ZYG11B: variants seen among roughly 807,000 people sequenced by gnomAD.
ZYG11B encodes the protein protein zyg-11 homolog B.
A neutral mutation model predicts 82.4 loss-of-function variants in ZYG11B; 36 were observed. That is an observed-to-expected ratio of 0.44 (90% CI 0.33 to 0.58). ZYG11B has a LOEUF of 0.58. ZYG11B is among the 20% of genes least tolerant of loss of function. ZYG11B has a pLI of 0.02. For missense variants in ZYG11B, 552 were observed against 895.6 expected, an observed-to-expected ratio of 0.62 and a Z score of 4.90; for synonymous variants, 303 against 312.8, an observed-to-expected ratio of 0.97 and a Z score of 0.33.
At chr1:52,737,753 A>T (rs144242441) in intron 1 of ZYG11B, among the ~76,000 whole-genome samples, 1 of 152,236 alleles carries the variant, frequency 6.6e-6, no homozygotes, top group East Asian at 1.9e-4. Context: ...CAAGAGCAAA[A>T]CCCTGTCTCA....
intron 1 of ZYG11B, among the ~76,000 whole-genome samples, chr1:52,749,529 G>T (rs1644503914): frequency 6.6e-6 from 1 of 152,186 alleles, no homozygotes; most frequent in South Asian, 2.1e-4. Context: ...ACTTGCTGGG[G>T]AATAGAGGAG....
At chr1:52,778,915 G>A (rs1462082470) in intron 3 of ZYG11B, among the ~76,000 whole-genome samples, 1 of 152,124 alleles carries the variant, frequency 6.6e-6, no homozygotes. Context: ...TATGGAGAAA[G>A]TATTCTGAGC....
intron 1 of ZYG11B, among the ~76,000 whole-genome samples, chr1:52,736,735 G>A (rs1644381482): frequency 6.6e-6 from 1 of 151,880 alleles, no homozygotes; most frequent in African/African-American, 2.4e-5. Context: ...TGACAGGCGT[G>A]AACCACCACG....
At position 52,823,622 on chromosome 1, in the gene ZYG11B, T is replaced by G. The variant is rs1434521067; in HGVS notation, c.*1993T>G. 6.6e-6 allele frequency: 1 copy of G among 152,170 alleles called. No homozygotes were observed. The highest frequency in any genetic ancestry group is 1.5e-5 in the Non-Finnish European group (1 of 68,034). 9.4% of individuals were successfully genotyped at this position (152,170 alleles called of 1,614,324 possible). A position where few individuals can be genotyped will look rare whatever the true frequency, so the allele number is the denominator to read the frequency against. On this transcript the variant is annotated 3_prime_UTR_variant, in exon 14 of 14. Coordinates refer to ENST00000294353, the MANE Select transcript of ZYG11B (RefSeq NM_024646.3). The stretch of plus-strand genomic sequence containing the variant: ...GAAATTGCTAGATATGTTGACCGTT[T>G]CCAGGTCTTTTATCTAGTGTAGTTA...
chr1:52,729,147 T>C (rs1392905972), intron 1 of ZYG11B, among the ~76,000 whole-genome samples: 1 of 152,202 alleles, frequency 6.6e-6, no homozygotes, highest in Non-Finnish European at 1.5e-5. Context: ...AGTCACCTTT[T>C]CACTGTTTTC....
chr1:52,730,809 C>T (rs1353127824), intron 1 of ZYG11B, among the ~76,000 whole-genome samples: 3 of 149,454 alleles, frequency 2.0e-5, no homozygotes, highest in African/African-American at 5.0e-5. Context: ...CATGCCACTG[C>T]ACTCCAGCCT....
At chr1:52,767,134 T>A (rs1030095340) in intron 2 of ZYG11B, among the ~76,000 whole-genome samples, 17 of 150,924 alleles carry the variant, frequency 1.1e-4, no homozygotes, top group Non-Finnish European at 2.2e-4. Flanking sequence ...TTTATTTTGT[T>A]ATTTTATGTT....
At chr1:52,740,909 A>C (rs1369441837) in intron 1 of ZYG11B, among the ~76,000 whole-genome samples, 2 of 78,324 alleles carry the variant, frequency 2.6e-5, no homozygotes, top group Admixed American at 1.5e-4. Context: ...AAATGATTGC[A>C]GTTGGGGCGG....
intron 1 of ZYG11B, among the ~76,000 whole-genome samples, chr1:52,728,381 C>G (rs1430831276): frequency 6.6e-6 from 1 of 152,194 alleles, no homozygotes; most frequent in Non-Finnish European, 1.5e-5. Context: ...CTCAGCCTCA[C>G]AAGTAGCTGG....
At chr1:52,816,813 A>T (rs1272856346) in intron 13 of ZYG11B, among the ~76,000 whole-genome samples, 184 bp downstream of exon 13, 1 of 122,224 alleles carries the variant, frequency 8.2e-6, no homozygotes, top group African/African-American at 3.3e-5. Context: ...TTTGAGACGA[A>T]GTCTCGCTCT....
intron 6 of ZYG11B, among the ~76,000 whole-genome samples, chr1:52,791,856 C>T (rs966988558): frequency 1.3e-5 from 2 of 152,090 alleles, no homozygotes; most frequent in Admixed American, 6.6e-5. Flanking sequence ...TGCTCATCAT[C>T]GTAACAAAGT....
chr1:52,817,560 A>AT (rs924672053), intron 13 of ZYG11B, among the ~76,000 whole-genome samples: 1 of 147,128 alleles, frequency 6.8e-6, no homozygotes, highest in African/African-American at 2.5e-5. Context: ...TTTTTTTTGT[A>AT]TTTTTTGTAG....
chr1:52,776,613 C>T (rs1644813058), intron 3 of ZYG11B, among the ~76,000 whole-genome samples: 1 of 150,444 alleles, frequency 6.6e-6, no homozygotes, highest in Non-Finnish European at 1.5e-5. Context: ...TTCAAGGTAA[C>T]TTGAGGATAT....
chr1:52,816,843 C>CA (rs113945821), intron 13 of ZYG11B, among the ~76,000 whole-genome samples: 5,364 of 132,234 alleles, frequency 0.041, 306 homozygotes, highest in African/African-American at 0.14. Flanking sequence ...GGCTGGAGTA[C>CA]AGTGGCGCGA....
chr1:52,772,593 C>CGATA (rs1644762182), intron 3 of ZYG11B: 2 of 1,488,048 alleles, frequency 1.3e-6, no homozygotes, highest in Admixed American at 3.4e-5. Context: ...GAAGCTGCGT[C>CGATA]GATAGGGTAA....
intron 6 of ZYG11B, among the ~76,000 whole-genome samples, chr1:52,794,470 A>G (rs1558136315): frequency 6.6e-6 from 1 of 152,190 alleles, no homozygotes; most frequent in Non-Finnish European, 1.5e-5. Flanking sequence ...TTCAGTCAAC[A>G]TATATTAAAC....
intron 3 of ZYG11B, among the ~76,000 whole-genome samples, chr1:52,777,821 A>G (rs1013293347): frequency 4.6e-5 from 7 of 152,194 alleles, no homozygotes; most frequent in Non-Finnish European, 8.8e-5. Flanking sequence ...GTCACACTGT[A>G]TAATGTTACT....
intron 1 of ZYG11B, among the ~76,000 whole-genome samples, chr1:52,754,170 C>G (rs1258545975): frequency 6.6e-6 from 1 of 150,860 alleles, no homozygotes; most frequent in African/African-American, 2.4e-5. Context: ...GGACTACAGA[C>G]ACCTACAACC....
intron 2 of ZYG11B, among the ~76,000 whole-genome samples, chr1:52,770,092 ATTTT>A (rs33953020): frequency 8.5e-5 from 8 of 94,470 alleles, no homozygotes; most frequent in African/African-American, 3.7e-4. Flanking sequence ...ATATATATAT[ATTTT>A]TTTTTTTTTT....
Sources: gnomAD v4.1 joint callset for allele counts (sites outside exome capture counted in the v4.1 genomes callset) on GRCh38, gnomAD v4.1.1 for gene constraint, MANE v1.5 for transcripts, NCBI Gene and HGNC (gene_info 2026-07-23, HGNC 2026-07-21) for gene names.